FAM13A: variants seen among roughly 807,000 people sequenced by gnomAD.
The protein encoded by FAM13A is family with sequence similarity 13 member A, also known as protein FAM13A.
A neutral mutation model predicts 129.6 loss-of-function variants in FAM13A; 76 were observed. The ratio of observed to expected loss-of-function variants is 0.59; its 90% CI spans 0.49 to 0.71. The LOEUF (loss-of-function observed/expected upper bound fraction) is 0.71. Among genes scored for constraint, FAM13A ranks in the 30% least tolerant of loss-of-function variants. FAM13A has a pLI of 0.00. For synonymous variants in FAM13A, 443 were observed against 449.9 expected (o/e 0.98, Z 0.20); for missense variants, 1,108 against 1,249.3 (o/e 0.89, Z 1.70).
At chr4:88,754,798 A>G (rs796288548) in intron 14 of FAM13A, among the ~76,000 whole-genome samples, 5 of 152,330 alleles carry the variant, frequency 3.3e-5, no homozygotes, top group African/African-American at 9.6e-5. Context: ...TAATCCTTAC[A>G]TTTATCTGCT....
At chr4:88,883,890 A>G (rs1744000633) in intron 6 of FAM13A, among the ~76,000 whole-genome samples, 1 of 152,096 alleles carries the variant, frequency 6.6e-6, no homozygotes, top group African/African-American at 2.4e-5. Flanking sequence ...ACACGTTTAC[A>G]CACATAAACT....
In FAM13A at chr4:88,735,238, T is replaced by TTGA. The variant is rs143450810; in HGVS notation, c.2646+2231_2646+2233dup. 4.5e-3 allele frequency among the ~76,000 whole-genome samples: 685 copies of TTGA among 152,292 alleles called. 5 individuals carry two copies. The highest frequency in any genetic ancestry group is 0.016 in the African/African-American group (663 of 41,550). On this transcript the variant is annotated intron_variant, in intron 21 of 23. Coordinates refer to ENST00000264344, the MANE Select transcript of FAM13A (RefSeq NM_014883.4). Reference sequence around the variant, plus strand: ...AGCCTATGGGATAGAATGTAATAAATTGATAATAGCTATGAATATAATTTC... The same window carrying TTGA: ...AGCCTATGGGATAGAATGTAATAAATTGATGATAATAGCTATGAATATAATTTC...
At chr4:88,897,257 G>C (rs1204514338) in intron 6 of FAM13A, among the ~76,000 whole-genome samples, 1 of 152,068 alleles carries the variant, frequency 6.6e-6, no homozygotes, top group East Asian at 1.9e-4. Flanking sequence ...TTATTTGTTG[G>C]CATATACAGT....
At chr4:88,958,276 T>A (rs539926319) in intron 4 of FAM13A, among the ~76,000 whole-genome samples, 1 of 152,212 alleles carries the variant, frequency 6.6e-6, no homozygotes, top group Non-Finnish European at 1.5e-5. Context: ...TCCTGGGCCA[T>A]GTCCAGGGCC....
At chr4:89,051,497 C>T (rs1279666567) in intron 1 of FAM13A, among the ~76,000 whole-genome samples, 2 of 152,168 alleles carry the variant, frequency 1.3e-5, no homozygotes, top group African/African-American at 2.4e-5. Flanking sequence ...CTCCAAAATT[C>T]GTATCCTTTT....
intron 9 of FAM13A, among the ~76,000 whole-genome samples, chr4:88,788,712 C>CA (rs1369090843): frequency 2.0e-5 from 3 of 151,962 alleles, no homozygotes; most frequent in African/African-American, 7.2e-5. Flanking sequence ...ACATTATTTC[C>CA]AAATAAGCTG....
Position 89,025,130 on chromosome 4 carries a change from T to C in FAM13A, c.217+4330A>G, listed in dbSNP as rs536104682. 1.0e-3 allele frequency among the ~76,000 whole-genome samples: 155 copies of C among 152,186 alleles called. 1 individual carries two copies. Among genetic ancestry groups the C allele is most frequent in the Admixed American group, 2.4e-3 (37 of 15,294 alleles). On this transcript the variant is annotated intron_variant, in intron 2 of 23. Coordinates refer to ENST00000264344, the MANE Select transcript of FAM13A (RefSeq NM_014883.4). ...ATTGTTTCAGCTCTGATAGAGTTCA[T>C]TACACATGCACATATCCTCTGACCA...
intron 3 of FAM13A, among the ~76,000 whole-genome samples, chr4:89,017,261 T>C (rs182932592): frequency 6.6e-6 from 1 of 152,262 alleles, no homozygotes; most frequent in Non-Finnish European, 1.5e-5. Flanking sequence ...AATACCAACA[T>C]AGCAAAAATT....
At chr4:88,926,701 A>G (rs1182966453) in intron 5 of FAM13A, among the ~76,000 whole-genome samples, 1 of 152,254 alleles carries the variant, frequency 6.6e-6, no homozygotes, top group East Asian at 1.9e-4. Context: ...AATTGTAAAT[A>G]TATGAGTATG....
At chr4:88,945,379 CGA>C (rs944295309) in intron 4 of FAM13A, among the ~76,000 whole-genome samples, 15 of 152,148 alleles carry the variant, frequency 9.9e-5, no homozygotes, top group Non-Finnish European at 2.2e-4. Flanking sequence ...CAAATCAGGA[CGA>C]GAAGTTGCCA....
chr4:88,981,346 G>A (rs1000625192), intron 4 of FAM13A, among the ~76,000 whole-genome samples: 5 of 152,148 alleles, frequency 3.3e-5, no homozygotes, highest in South Asian at 2.1e-4. Flanking sequence ...ACCAAAAGCC[G>A]AGGCTTTGGT....
chr4:88,791,295 T>C (rs1725090972), intron 8 of FAM13A, among the ~76,000 whole-genome samples: 1 of 152,150 alleles, frequency 6.6e-6, no homozygotes, highest in Non-Finnish European at 1.5e-5. Flanking sequence ...TTCCCATTTT[T>C]TTAAAGCCTG....
At chr4:89,033,856 C>G (rs1769016053) in intron 1 of FAM13A, among the ~76,000 whole-genome samples, 1 of 152,138 alleles carries the variant, frequency 6.6e-6, no homozygotes, top group East Asian at 1.9e-4. Context: ...ATAAATGGTG[C>G]TGGGAAAACT....
intron 7 of FAM13A, among the ~76,000 whole-genome samples, chr4:88,814,157 G>C (rs1730202607): frequency 6.6e-6 from 1 of 152,178 alleles, no homozygotes; most frequent in Non-Finnish European, 1.5e-5. Context: ...CAGATAAGAA[G>C]AACAAGTTTT....
At chr4:89,013,345 A>AT (rs1374504971) in intron 3 of FAM13A, among the ~76,000 whole-genome samples, 1 of 143,298 alleles carries the variant, frequency 7.0e-6, no homozygotes, top group African/African-American at 2.6e-5. Flanking sequence ...CATATATATA[A>AT]AATGTATAAA....
chr4:88,962,152 TAA>T (rs59620102), intron 4 of FAM13A, among the ~76,000 whole-genome samples: 11 of 140,914 alleles, frequency 7.8e-5, no homozygotes, highest in African/African-American at 2.9e-4. Context: ...AAAAAATAAG[TAA>T]AAAAAAAAAA....
intron 4 of FAM13A, among the ~76,000 whole-genome samples, chr4:88,958,699 G>C (rs765110810): frequency 1.3e-5 from 2 of 152,208 alleles, no homozygotes; most frequent in Non-Finnish European, 2.9e-5. Context: ...GGGAAACGTG[G>C]AGTTGGAGCC....
At chr4:88,893,862 C>T (rs1476505041) in intron 6 of FAM13A, among the ~76,000 whole-genome samples, 6 of 150,484 alleles carry the variant, frequency 4.0e-5, no homozygotes, top group African/African-American at 7.3e-5. Context: ...TCAAGAGTTA[C>T]GCACAAGCTT....
chr4:88,787,421 T>TGG (rs1724187185), intron 10 of FAM13A, among the ~76,000 whole-genome samples: 1 of 152,136 alleles, frequency 6.6e-6, no homozygotes, highest in Admixed American at 6.6e-5. Context: ...AAAATACCTC[T>TGG]GGACAAGCAT....
Sources: allele counts gnomAD v4.1 joint callset (sites outside exome capture counted in the v4.1 genomes callset), GRCh38; gene constraint gnomAD v4.1.1; transcripts MANE v1.5; gene names NCBI Gene and HGNC (gene_info 2026-07-23, HGNC 2026-07-21).